Variants in DMD observed in about 807,000 individuals in gnomAD.
The protein encoded by DMD is dystrophin.
DMD carries 63 observed loss-of-function variants against 330.1 expected under a neutral mutation model. The observed-to-expected ratio is 0.19, with a 90% CI of 0.16 to 0.24. DMD has a LOEUF of 0.24. DMD is among the 10% of genes least tolerant of loss of function. The pLI, the probability that DMD is intolerant of heterozygous loss-of-function variation, is 1.00. For missense variants in DMD, 3,344 were observed against 2,684.1 expected, an observed-to-expected ratio of 1.25 and a Z score of -5.43; for synonymous variants, 1,223 against 959.8, an observed-to-expected ratio of 1.27 and a Z score of -5.07.
At chrX:31,228,408 C>T (rs2046885215) in intron 63 of DMD, among the ~76,000 whole-genome samples, 1 of 110,850 alleles carries the variant, frequency 9.0e-6, no homozygotes, top group Non-Finnish European at 1.9e-5. Context: ...AAGTCTACTA[C>T]TCAAGAGAGT....
chrX:32,298,229 A>G (rs1415266481), intron 42 of DMD, among the ~76,000 whole-genome samples: 2 of 111,149 alleles, frequency 1.8e-5, no homozygotes, highest in East Asian at 5.7e-4. Context: ...GACAACTGCA[A>G]TCATCCATGC....
intron 55 of DMD, among the ~76,000 whole-genome samples, chrX:31,554,813 A>G (rs182726182): frequency 1.2e-4 from 13 of 112,108 alleles, no homozygotes; most frequent in Middle Eastern, 4.6e-3. Context: ...CTAAACAGGA[A>G]TACAAATTCA....
intron 50 of DMD, among the ~76,000 whole-genome samples, chrX:31,793,622 A>G (rs1159515355): frequency 2.7e-5 from 3 of 112,061 alleles, no homozygotes; most frequent in African/African-American, 9.8e-5. Context: ...CATCTAACAC[A>G]AAGCCTATTT....
intron 44 of DMD, among the ~76,000 whole-genome samples, chrX:32,058,552 A>C (rs2096198448): frequency 9.8e-6 from 1 of 102,155 alleles, no homozygotes; most frequent in Non-Finnish European, 2.0e-5. Context: ...CTCACGGATT[A>C]GGATAACCAT....
At chrX:33,149,617 A>G (rs758299497) in intron 1 of DMD, among the ~76,000 whole-genome samples, 1 of 111,466 alleles carries the variant, frequency 9.0e-6, no homozygotes, top group African/African-American at 3.3e-5. Flanking sequence ...TAGAACCCTG[A>G]GCTCCCATGT....
Position 31,739,209 on chromosome X carries a change from A to C in DMD, c.7543-9461T>G, listed in dbSNP as rs570049335. Reference sequence around the variant, plus strand: ...TCTCAAGTACCAAATAAATATATACACCTGCTAGGTACTCACAAAACTTAA... The same window carrying C: ...TCTCAAGTACCAAATAAATATATACCCCTGCTAGGTACTCACAAAACTTAA... On this transcript the variant is annotated intron_variant, in intron 51 of 78. Coordinates refer to ENST00000357033, the MANE Select transcript of DMD (RefSeq NM_004006.3). Among the ~76,000 whole-genome samples the C allele has an allele frequency of 3.9e-4, 43 of 111,535 alleles. No individual in the cohort carries two copies. In the South Asian group the frequency reaches 0.016, roughly 41 times the overall value.
intron 1 of DMD, among the ~76,000 whole-genome samples, chrX:33,281,191 A>T (rs1256368568): frequency 9.5e-6 from 1 of 105,786 alleles, no homozygotes; most frequent in African/African-American, 3.4e-5. Context: ...TTCTTTGCAG[A>T]AATCATAAAT....
At chrX:31,549,922 G>A (rs928586973) in intron 55 of DMD, among the ~76,000 whole-genome samples, 21 of 112,143 alleles carry the variant, frequency 1.9e-4, no homozygotes, top group African/African-American at 6.5e-4. Flanking sequence ...TAAAAGTTAC[G>A]GTATTTTGTT....
intron 41 of DMD, among the ~76,000 whole-genome samples, chrX:32,323,521 T>G (rs1372089363): frequency 9.6e-6 from 1 of 103,981 alleles, no homozygotes; most frequent in Admixed American, 1.0e-4. Flanking sequence ...AAATTATAAA[T>G]TATTTCTTTT....
At chrX:33,210,904 C>T (rs930652180) in intron 1 of DMD, among the ~76,000 whole-genome samples, 37 of 111,178 alleles carry the variant, frequency 3.3e-4, no homozygotes, top group African/African-American at 1.1e-3. Context: ...CTTTATGTAA[C>T]TGTTACTAAA....
At chrX:32,918,139 A>G (rs2088024204) in intron 2 of DMD, among the ~76,000 whole-genome samples, 2 of 111,241 alleles carry the variant, frequency 1.8e-5, no homozygotes, top group Non-Finnish European at 3.8e-5. Context: ...TTCCTATTTT[A>G]TGGCTAAAAT....
At chrX:32,352,218 AC>A (rs2097784023) in intron 37 of DMD, among the ~76,000 whole-genome samples, 1 of 110,795 alleles carries the variant, frequency 9.0e-6, no homozygotes, top group African/African-American at 3.3e-5. Flanking sequence ...CATTTTAGGA[AC>A]AAAATCCTTT....
chrX:31,900,815 C>T (rs771042692), intron 47 of DMD, among the ~76,000 whole-genome samples: 6 of 111,050 alleles, frequency 5.4e-5, no homozygotes, highest in Non-Finnish European at 7.6e-5. Flanking sequence ...TCTGGGCCAC[C>T]GGAAAAAATA....
chrX:31,316,762 C>G (rs969246531), intron 62 of DMD, among the ~76,000 whole-genome samples: 1 of 112,091 alleles, frequency 8.9e-6, no homozygotes, highest in African/African-American at 3.2e-5. Context: ...GGAGAAAACA[C>G]AGCAGAGAAG....
intron 59 of DMD, among the ~76,000 whole-genome samples, chrX:31,477,827 ACAC>A (rs1340595642): frequency 3.7e-5 from 4 of 106,850 alleles, no homozygotes; most frequent in South Asian, 4.1e-4. Flanking sequence ...ACACACACAC[ACAC>A]ATCAGACTTT....
chrX:31,380,513 A>G (rs1410900110), intron 60 of DMD, among the ~76,000 whole-genome samples: 4 of 111,011 alleles, frequency 3.6e-5, no homozygotes, highest in Admixed American at 9.6e-5. Context: ...GCACGCTTTA[A>G]AAGGATTACA....
chrX:32,801,889 T>TC (rs1380214038), intron 7 of DMD, among the ~76,000 whole-genome samples: 1 of 111,861 alleles, frequency 8.9e-6, no homozygotes, highest in Non-Finnish European at 1.9e-5. Flanking sequence ...GGTACCAGTA[T>TC]CATGCTGTTT....
intron 44 of DMD, among the ~76,000 whole-genome samples, chrX:32,026,095 T>C (rs139967552): frequency 0.015 from 1,659 of 111,915 alleles, 35 homozygotes; most frequent in African/African-American, 0.051. Context: ...CCAGGGCTAC[T>C]GATTAGAGAA....
Position 32,618,175 on chromosome X carries a change from A to G in DMD, c.1332-3722T>C, listed in dbSNP as rs142925052. Among the ~76,000 whole-genome samples the G allele has an allele frequency of 3.9e-3, 433 of 112,249 alleles. 1 individual carries two copies. Among genetic ancestry groups the G allele is most frequent in the African/African-American group, 0.013 (415 of 30,987 alleles). ...CAATCCTATTATTGTGTATACACTTAAAGGAATATAAATCATTCTACCAAA... is the reference window on the plus strand; with the variant it reads ...CAATCCTATTATTGTGTATACACTTGAAGGAATATAAATCATTCTACCAAA... On this transcript the variant is annotated intron_variant, in intron 11 of 78. Coordinates refer to ENST00000357033, the MANE Select transcript of DMD (RefSeq NM_004006.3).
Sources: allele counts gnomAD v4.1 joint callset (sites outside exome capture counted in the v4.1 genomes callset), GRCh38; gene constraint gnomAD v4.1.1; transcripts MANE v1.5; gene names NCBI Gene and HGNC (gene_info 2026-07-23, HGNC 2026-07-21).